SKAP2: variants seen among roughly 807,000 people sequenced by gnomAD.
The protein encoded by SKAP2 is src kinase-associated phosphoprotein 2.
In SKAP2, 28 loss-of-function variants were observed where a neutral mutation model predicts 54.9. That is an observed-to-expected ratio of 0.51 (90% CI 0.38 to 0.70). SKAP2 has a LOEUF of 0.70. Among genes scored for constraint, SKAP2 ranks in the 30% least tolerant of loss-of-function variants. The probability of loss-of-function intolerance (pLI) is 0.00; values close to 1 mark genes in which losing one functional copy is unlikely to be tolerated. For missense variants in SKAP2, 356 were observed against 424.1 expected, an observed-to-expected ratio of 0.84 and a Z score of 1.41; for synonymous variants, 137 against 134.3, an observed-to-expected ratio of 1.02 and a Z score of -0.14.
rs1782909114 is a variant in SKAP2, at chr7:26,760,740, AGTT to A, written c.308-20779_308-20777del. The stretch of plus-strand genomic sequence containing the variant: ...ACCTCAGATAAGGGGTGACTACTGT[AGTT>A]GTGTCAAATTTAGGTGGAATATCAA... On this transcript the variant is annotated intron_variant, in intron 4 of 12. Transcript: ENST00000345317. Among the ~76,000 whole-genome samples, 5 of 152,314 alleles carry A rather than the reference AGTT, an allele frequency of 3.3e-5. No homozygotes were observed. The South Asian group carries it at 8.3e-4, about 25-fold the overall frequency.
chr7:26,860,903 TGTG>T (rs1357057781), intron 1 of SKAP2, among the ~76,000 whole-genome samples: 2 of 1,240 alleles, frequency 1.6e-3, no homozygotes, highest in African/African-American at 6.1e-3. Flanking sequence ...GTAGGGAAAA[TGTG>T]GTATTTCTAA....
At chr7:26,813,936 A>G (rs1784210706) in intron 4 of SKAP2, among the ~76,000 whole-genome samples, 2 of 152,174 alleles carry the variant, frequency 1.3e-5, no homozygotes, top group Non-Finnish European at 2.9e-5. Flanking sequence ...TTGAGTTAAG[A>G]TAAAGCCAAC....
intron 4 of SKAP2, among the ~76,000 whole-genome samples, chr7:26,802,260 G>GT (rs34277928): frequency 0.017 from 2,170 of 129,372 alleles, 63 homozygotes; most frequent in African/African-American, 0.056. Context: ...AGAAAAGACA[G>GT]TTTTTTTTTT....
intron 1 of SKAP2, among the ~76,000 whole-genome samples, chr7:26,858,761 T>G (rs1043482474): frequency 1.3e-5 from 2 of 152,116 alleles, no homozygotes; most frequent in Non-Finnish European, 2.9e-5. Flanking sequence ...CTACACCAGG[T>G]CAGAACAGTT....
intron 4 of SKAP2, among the ~76,000 whole-genome samples, chr7:26,801,033 G>A (rs10229837): frequency 0.21 from 32,179 of 151,510 alleles, 3,489 homozygotes; most frequent in Non-Finnish European, 0.24. Flanking sequence ...AGAAAAAGAC[G>A]CATCCAAGAA....
chr7:26,656,769 A>G, the SKAP2 span, among the ~76,000 whole-genome samples: 2 of 152,326 alleles, frequency 1.3e-5, no homozygotes, highest in East Asian at 3.9e-4. Flanking sequence ...TATTTCATAC[A>G]AAGAGTTAAT....
At chr7:26,775,832 A>G (rs1439287343) in intron 4 of SKAP2, among the ~76,000 whole-genome samples, 2 of 152,202 alleles carry the variant, frequency 1.3e-5, no homozygotes, top group African/African-American at 4.8e-5. Context: ...GTAACTGCCC[A>G]AAGTTTCATT....
At chr7:26,864,061 A>ACT (rs1832174100) in intron 1 of SKAP2, among the ~76,000 whole-genome samples, 3 of 148,046 alleles carry the variant, frequency 2.0e-5, no homozygotes, top group African/African-American at 7.7e-5. Context: ...TCTGTCACAC[A>ACT]CACACACACA....
intron 5 of SKAP2, 30 bp from the exon 6 acceptor site, chr7:26,738,908 A>G (rs1380210570): frequency 1.6e-6 from 2 of 1,269,136 alleles, no homozygotes; most frequent in Non-Finnish European, 1.2e-6. Context: ...ATGTAAGGCC[A>G]TTTCCTTACT....
chr7:26,731,495 T>A (rs1787823627), intron 6 of SKAP2, among the ~76,000 whole-genome samples: 1 of 152,312 alleles, frequency 6.6e-6, no homozygotes, highest in Non-Finnish European at 1.5e-5. Flanking sequence ...CCCTGGGCAA[T>A]CTCATCTAAT....
At chr7:26,666,861 T>A (rs1244716467), downstream of SKAP2, among the ~76,000 whole-genome samples, 1 of 152,194 alleles carries the variant, frequency 6.6e-6, no homozygotes, top group Non-Finnish European at 1.5e-5. Context: ...GAAAGTCATT[T>A]GTATTATCCT....
At chr7:26,801,070 C>T (rs1783903072) in intron 4 of SKAP2, among the ~76,000 whole-genome samples, 1 of 151,856 alleles carries the variant, frequency 6.6e-6, no homozygotes, top group Non-Finnish European at 1.5e-5. Flanking sequence ...AAATATAGGC[C>T]AATATATTTG....
rs58826714 is a variant in SKAP2 at position 26,717,509 on chromosome 7, C to CAAAAAAAAAAAAAAAAAA, written c.796+7901_796+7918dup. On this transcript the variant is annotated intron_variant, in intron 9 of 12. Transcript: ENST00000345317. ...TGGGTGACAGAGCAAGACCCCATCT[C>CAAAAAAAAAAAAAAAAAA]AAAAAAAAAAAAAAAAAAAAAAAAA... Among the ~76,000 whole-genome samples the CAAAAAAAAAAAAAAAAAA allele has an allele frequency of 9.1e-4, 21 of 23,132 alleles. 4 individuals carry two copies. The highest frequency in any genetic ancestry group is 3.4e-3 in the Admixed American group (4 of 1,178). 15.2% of individuals were successfully genotyped at this position (23,132 alleles called of 152,430 possible).
At chr7:26,729,312 TAAGAA>T (rs1388492146) in intron 6 of SKAP2, among the ~76,000 whole-genome samples, 1 of 152,014 alleles carries the variant, frequency 6.6e-6, no homozygotes, top group Non-Finnish European at 1.5e-5. Flanking sequence ...TGTTCGAGGA[TAAGAA>T]AAGAGGAACA....
intron 3 of SKAP2, among the ~76,000 whole-genome samples, chr7:26,851,783 A>G (rs187337182): frequency 2.2e-4 from 34 of 151,948 alleles, no homozygotes; most frequent in Admixed American, 1.6e-3. Context: ...TCAGGATGGG[A>G]GATTATCTAG....
intron 4 of SKAP2, among the ~76,000 whole-genome samples, chr7:26,804,224 C>T (rs569650662): frequency 6.6e-6 from 1 of 152,028 alleles, no homozygotes; most frequent in African/African-American, 2.4e-5. Flanking sequence ...GTCTTATGTA[C>T]CCCATAAATG....
chr7:26,779,541 T>C (rs1454158292), intron 4 of SKAP2, among the ~76,000 whole-genome samples: 1 of 152,042 alleles, frequency 6.6e-6, no homozygotes, highest in African/African-American at 2.4e-5. Context: ...AATCTCAAAA[T>C]TGACAACCAC....
At chr7:26,798,891 A>G (rs1164005655) in intron 4 of SKAP2, among the ~76,000 whole-genome samples, 1 of 152,216 alleles carries the variant, frequency 6.6e-6, no homozygotes, top group Non-Finnish European at 1.5e-5. Context: ...CCTCACAGTA[A>G]CTTCAAACCA....
chr7:26,767,383 T>A (rs1783083531), intron 4 of SKAP2, among the ~76,000 whole-genome samples: 1 of 151,958 alleles, frequency 6.6e-6, no homozygotes, highest in African/African-American at 2.4e-5. Flanking sequence ...GTCTGGCAAG[T>A]GGTCTGTTTT....
Sources: gnomAD v4.1 joint callset for allele counts (sites outside exome capture counted in the v4.1 genomes callset) on GRCh38, gnomAD v4.1.1 for gene constraint, MANE v1.5 for transcripts, NCBI Gene and HGNC (gene_info 2026-07-23, HGNC 2026-07-21) for gene names.